Variants in EYS observed in about 807,000 individuals in gnomAD.
The protein encoded by EYS is protein eyes shut homolog.
EYS carries 250 observed loss-of-function variants against 282.1 expected under a neutral mutation model. That is an observed-to-expected ratio of 0.89 (90% CI 0.80 to 0.98). The LOEUF (loss-of-function observed/expected upper bound fraction) is 0.98, where lower values mean the gene tolerates loss of function less well. EYS is among the 50% of genes least tolerant of loss of function. EYS has a pLI of 0.00. For synonymous variants in EYS, 1,355 were observed against 1,282.9 expected (o/e 1.06, Z -1.20); for missense variants, 4,016 against 3,709.0 (o/e 1.08, Z -2.15).
At chr6:65,365,444 C>T (rs1027614353) in intron 8 of EYS, among the ~76,000 whole-genome samples, 2 of 151,592 alleles carry the variant, frequency 1.3e-5, no homozygotes, top group Non-Finnish European at 2.9e-5. Flanking sequence ...TGTGTGAGTG[C>T]GTATGTGTGG....
chr6:63,721,514 A>C lies in EYS; in HGVS notation c.8517T>G (p.Asn2839Lys). 1 of 1,551,248 alleles carries C rather than the reference A, an allele frequency of 6.4e-7. No homozygotes were observed. Among genetic ancestry groups the C allele is most frequent in the Non-Finnish European group, 8.7e-7 (1 of 1,146,578 alleles). Residue 2839 changes from asparagine (N) to lysine (K), a missense_variant, in exon 43 of 43, where the codon AAT becomes AAG. Transcript: ENST00000503581. ...LNLVNPMAIENEPVGFQGCIR... is the reference protein window; with the variant it reads ...LNLVNPMAIEKEPVGFQGCIR... ...TACAGCCTTGAAAACCTACAGGTTC[A>C]TTTTCTATTGCCATGGGATTTACAA... is the stretch of plus-strand genomic sequence containing the variant.
chr6:65,319,870 C>T (rs1402816949), intron 11 of EYS, among the ~76,000 whole-genome samples: 1 of 152,130 alleles, frequency 6.6e-6, no homozygotes, highest in Admixed American at 6.5e-5. Context: ...GAATGCCTTC[C>T]TATTGACTTC....
intron 22 of EYS, among the ~76,000 whole-genome samples, chr6:64,714,453 A>T (rs1463892306): frequency 6.6e-6 from 1 of 152,010 alleles, no homozygotes; most frequent in Non-Finnish European, 1.5e-5. Context: ...TTCATCTAGC[A>T]GTTGACTCGT....
At chr6:64,714,231 C>T (rs1771300178) in intron 22 of EYS, among the ~76,000 whole-genome samples, 1 of 152,044 alleles carries the variant, frequency 6.6e-6, no homozygotes, top group African/African-American at 2.4e-5. Flanking sequence ...ACAAAGAAAA[C>T]CTCATTGTTT....
At chr6:65,302,003 A>T (rs1562082612) in intron 11 of EYS, among the ~76,000 whole-genome samples, 1 of 152,120 alleles carries the variant, frequency 6.6e-6, no homozygotes, top group Non-Finnish European at 1.5e-5. Flanking sequence ...TGAAAAACTG[A>T]TTTTTTTTGT....
chr6:65,328,378 TAATAAATTCA>T (rs1769683599), intron 11 of EYS, among the ~76,000 whole-genome samples: 1 of 151,416 alleles, frequency 6.6e-6, no homozygotes, highest in South Asian at 2.1e-4. Flanking sequence ...TCATAATAAT[TAATAAATTCA>T]AATAAATTGT....
chr6:65,567,855 A>G (rs1245914295), intron 2 of EYS, among the ~76,000 whole-genome samples: 1 of 152,068 alleles, frequency 6.6e-6, no homozygotes, highest in Non-Finnish European at 1.5e-5. Flanking sequence ...AACTGAACTC[A>G]TAATTGCCTA....
chr6:65,707,023 T>G (rs545484198), intron 1 of EYS, 112 bp downstream of exon 1: 1 of 152,330 alleles, frequency 6.6e-6, no homozygotes, highest in East Asian at 1.9e-4. Context: ...AATAACTGGT[T>G]AAAGAAATGC....
intron 29 of EYS, among the ~76,000 whole-genome samples, chr6:64,353,314 A>C (rs1213747335): frequency 6.6e-6 from 1 of 151,556 alleles, no homozygotes; most frequent in South Asian, 2.1e-4. Flanking sequence ...ATTATACCTC[A>C]TTTGAGTCCT....
At chr6:64,799,004 T>A (rs1403607520) in intron 22 of EYS, among the ~76,000 whole-genome samples, 1 of 151,862 alleles carries the variant, frequency 6.6e-6, no homozygotes, top group Admixed American at 6.6e-5. Flanking sequence ...TTTAACCAGA[T>A]AAACCTCTCC....
chr6:65,138,110 G>A (rs528012903), intron 12 of EYS, among the ~76,000 whole-genome samples: 37 of 152,156 alleles, frequency 2.4e-4, no homozygotes, highest in African/African-American at 8.4e-4. Flanking sequence ...GGACAGTACC[G>A]ATATCAATGA....
At chr6:64,194,917 T>C (rs1477611333) in intron 31 of EYS, among the ~76,000 whole-genome samples, 8 of 152,156 alleles carry the variant, frequency 5.3e-5, no homozygotes, top group African/African-American at 1.7e-4. Context: ...GGATTACTAT[T>C]CTACTTGTGG....
intron 8 of EYS, among the ~76,000 whole-genome samples, chr6:65,364,310 A>C (rs1299809528): frequency 4.0e-5 from 6 of 151,022 alleles, no homozygotes; most frequent in Non-Finnish European, 8.9e-5. Context: ...TCCTTCCATA[A>C]GAAGTAGTAA....
intron 40 of EYS, among the ~76,000 whole-genome samples, chr6:63,767,694 A>G (rs1769829595): frequency 6.6e-6 from 1 of 152,110 alleles, no homozygotes; most frequent in Non-Finnish European, 1.5e-5. Context: ...CTATCAAACT[A>G]CCAACATAAT....
At chr6:64,565,275 A>G (rs1419602719) in intron 26 of EYS, among the ~76,000 whole-genome samples, 1 of 152,094 alleles carries the variant, frequency 6.6e-6, no homozygotes, top group Non-Finnish European at 1.5e-5. Context: ...GACCAAAGTC[A>G]GAAGTGTTTT....
At chr6:65,174,798 T>C (rs1357322336) in intron 12 of EYS, among the ~76,000 whole-genome samples, 5 of 151,358 alleles carry the variant, frequency 3.3e-5, no homozygotes, top group African/African-American at 1.2e-4. Context: ...CATAAGAAAT[T>C]ACATTTGTAT....
chr6:64,047,040 G>T (rs969084363), intron 33 of EYS, among the ~76,000 whole-genome samples: 4 of 151,954 alleles, frequency 2.6e-5, no homozygotes, highest in Admixed American at 6.6e-5. Flanking sequence ...GGGACACCAA[G>T]GATATTTCAC....
intron 40 of EYS, among the ~76,000 whole-genome samples, chr6:63,775,860 A>G (rs1331974540): frequency 6.6e-6 from 1 of 152,188 alleles, no homozygotes; most frequent in African/African-American, 2.4e-5. Context: ...TACTTACCAT[A>G]AAATTCACTT....
chr6:64,083,621 T>C (rs1772049042), intron 31 of EYS, among the ~76,000 whole-genome samples: 1 of 152,234 alleles, frequency 6.6e-6, no homozygotes. Flanking sequence ...GGCATCTTGC[T>C]CTTTAGGAAG....
Sources: gnomAD v4.1 joint callset for allele counts (sites outside exome capture counted in the v4.1 genomes callset) on GRCh38, gnomAD v4.1.1 for gene constraint, MANE v1.5 for transcripts, NCBI Gene and HGNC (gene_info 2026-07-23, HGNC 2026-07-21) for gene names.